The following THRAP3 variants were observed in gnomAD, a reference collection of about 807,000 sequenced individuals.
The protein encoded by THRAP3 is thyroid hormone receptor-associated protein 3.
A neutral mutation model predicts 101.0 loss-of-function variants in THRAP3; 16 were observed. The observed-to-expected ratio is 0.16, with a 90% CI of 0.11 to 0.24. THRAP3 has a LOEUF of 0.24. Among genes scored for constraint, THRAP3 ranks in the 10% least tolerant of loss-of-function variants. The probability of loss-of-function intolerance (pLI) is 1.00; values close to 1 mark genes in which losing one functional copy is unlikely to be tolerated. For missense variants in THRAP3, 989 were observed against 1,202.7 expected, an observed-to-expected ratio of 0.82 and a Z score of 2.63; for synonymous variants, 407 against 422.6, an observed-to-expected ratio of 0.96 and a Z score of 0.45.
chr1:36,222,042 C>T (rs1335081293), upstream of THRAP3, among the ~76,000 whole-genome samples: 1 of 152,090 alleles, frequency 6.6e-6, no homozygotes, highest in Non-Finnish European at 1.5e-5. Context: ...GAACTCCTGA[C>T]CTCAGGTGAT....
the THRAP3 span, among the ~76,000 whole-genome samples, chr1:36,208,243 G>T: frequency 1.4e-4 from 21 of 152,154 alleles, no homozygotes; most frequent in Middle Eastern, 3.4e-3. Context: ...CACTGCCTCA[G>T]GATGAAGTCC....
intron 2 of THRAP3, among the ~76,000 whole-genome samples, chr1:36,277,294 G>A (rs1359615309): frequency 3.3e-5 from 5 of 151,372 alleles, no homozygotes; most frequent in Admixed American, 2.0e-4. Flanking sequence ...TTTATTTTTT[G>A]AGATGGAGTC....
chr1:36,210,132 C>A, the THRAP3 span, among the ~76,000 whole-genome samples: 4 of 152,044 alleles, frequency 2.6e-5, no homozygotes, highest in East Asian at 7.8e-4. Context: ...TTTGGGAGGC[C>A]GAGGCGGGAG....
chr1:36,215,233 C>T, the THRAP3 span, among the ~76,000 whole-genome samples: 2 of 151,934 alleles, frequency 1.3e-5, no homozygotes, highest in African/African-American at 4.8e-5. Context: ...AAAACAAAAA[C>T]AAAACAAAAA....
chr1:36,268,704 A>G lies in THRAP3; in HGVS notation c.-32+9220A>G, dbSNP rs16866062. On this transcript the variant is annotated intron_variant, in intron 2 of 11. Transcript: ENST00000354618. ...TAATGACTACTTAGAAAAGTAATCC[A>G]TGTGTCCAATATGAGTTAATTTTTT... 9.5e-3 allele frequency among the ~76,000 whole-genome samples: 1,443 copies of G among 151,678 alleles called. 15 individuals are homozygous for G. The highest frequency in any genetic ancestry group is 0.033 in the African/African-American group (1,384 of 41,332).
At chr1:36,282,065 C>T (rs907996598) in intron 2 of THRAP3, among the ~76,000 whole-genome samples, 3 of 139,718 alleles carry the variant, frequency 2.1e-5, no homozygotes, top group African/African-American at 7.7e-5. Flanking sequence ...AAAAGCAAAA[C>T]TCCTATCTCA....
chr1:36,232,869 C>T (rs111749803), intron 1 of THRAP3, among the ~76,000 whole-genome samples: 2,119 of 132,602 alleles, frequency 0.016, 54 homozygotes, highest in African/African-American at 0.052. Context: ...CAAAACTCAT[C>T]GAACTGTATC....
chr1:36,234,177 A>T (rs1645060190), intron 1 of THRAP3, among the ~76,000 whole-genome samples: 1 of 151,862 alleles, frequency 6.6e-6, no homozygotes, highest in African/African-American at 2.4e-5. Flanking sequence ...CTGGTCTCGA[A>T]CTCCTTCCTC....
chr1:36,273,645 T>G (rs887615670), intron 2 of THRAP3, among the ~76,000 whole-genome samples: 1 of 152,156 alleles, frequency 6.6e-6, no homozygotes, highest in African/African-American at 2.4e-5. Context: ...AATCATCTCT[T>G]TTTGCAGATG....
At chr1:36,220,062 T>C (rs902977341), upstream of THRAP3, among the ~76,000 whole-genome samples, 5 of 152,132 alleles carry the variant, frequency 3.3e-5, no homozygotes, top group Non-Finnish European at 7.3e-5. Context: ...TGGCGTGACC[T>C]TGGCTCACTG....
chr1:36,239,099 A>G (rs1326719985), intron 1 of THRAP3, among the ~76,000 whole-genome samples: 1 of 150,540 alleles, frequency 6.6e-6, no homozygotes, highest in Non-Finnish European at 1.5e-5. Flanking sequence ...ACACCCGGCT[A>G]ATTTTTTTGT....
intron 2 of THRAP3, among the ~76,000 whole-genome samples, chr1:36,262,893 C>T (rs533767401): frequency 1.2e-4 from 18 of 148,432 alleles, no homozygotes; most frequent in Middle Eastern, 7.9e-3. Flanking sequence ...CCCGGGGTCA[C>T]GCCATTCTCC....
intron 2 of THRAP3, among the ~76,000 whole-genome samples, chr1:36,265,376 C>T (rs1033179878): frequency 2.6e-5 from 4 of 151,340 alleles, no homozygotes; most frequent in Admixed American, 6.6e-5. Flanking sequence ...CCAATACAAA[C>T]GAAAACCTCC....
At chr1:36,219,991 T>A (rs571979743), upstream of THRAP3, among the ~76,000 whole-genome samples, 1 of 152,246 alleles carries the variant, frequency 6.6e-6, no homozygotes, top group East Asian at 1.9e-4. Flanking sequence ...AAAGCCTGGA[T>A]GACAGAACTT....
intron 1 of THRAP3, among the ~76,000 whole-genome samples, chr1:36,236,901 G>A (rs997986106): frequency 6.6e-6 from 1 of 152,182 alleles, no homozygotes; most frequent in Non-Finnish European, 1.5e-5. Flanking sequence ...ACAATGCTGG[G>A]TGTGGTGGCT....
chr1:36,294,469 G>A (rs1645920042), intron 8 of THRAP3, among the ~76,000 whole-genome samples: 1 of 152,068 alleles, frequency 6.6e-6, no homozygotes, highest in Admixed American at 6.6e-5. Context: ...TTGCAATGAT[G>A]TGCACGTAAA....
chr1:36,243,798 C>T (rs551508197), intron 1 of THRAP3, among the ~76,000 whole-genome samples: 103 of 464 alleles, frequency 0.22, 3 homozygotes, highest in East Asian at 0.48. Context: ...CCCTCACCTC[C>T]CGGACGGGCG....
At chr1:36,270,169 C>T (rs1465332626) in intron 2 of THRAP3, among the ~76,000 whole-genome samples, 4 of 152,112 alleles carry the variant, frequency 2.6e-5, no homozygotes, top group Non-Finnish European at 5.9e-5. Context: ...AGGGAGGACT[C>T]CTTGAACCCA....
At chr1:36,212,962 G>A in the THRAP3 span, among the ~76,000 whole-genome samples, 1 of 152,306 alleles carries the variant, frequency 6.6e-6, no homozygotes, top group Non-Finnish European at 1.5e-5. Flanking sequence ...TGGGGAGGAA[G>A]GGCATGAGCA....
Sources: gnomAD v4.1 joint callset for allele counts (sites outside exome capture counted in the v4.1 genomes callset) on GRCh38, gnomAD v4.1.1 for gene constraint, MANE v1.5 for transcripts, NCBI Gene and HGNC (gene_info 2026-07-23, HGNC 2026-07-21) for gene names.